SAMD4A: variants seen among roughly 807,000 people sequenced by gnomAD.
SAMD4A encodes protein Smaug homolog 1.
SAMD4A carries 33 observed loss-of-function variants against 81.3 expected under a neutral mutation model. The ratio of observed to expected loss-of-function variants is 0.41; its 90% CI spans 0.31 to 0.54. The LOEUF is 0.54. SAMD4A is among the 20% of genes least tolerant of loss of function. The pLI is 0.37. For synonymous variants in SAMD4A, 389 were observed against 382.1 expected, an observed-to-expected ratio of 1.02 and a Z score of -0.21; for missense variants, 854 against 951.1, an observed-to-expected ratio of 0.90 and a Z score of 1.34.
At chr14:54,600,493 A>G (rs1418668867) in intron 2 of SAMD4A, among the ~76,000 whole-genome samples, 1 of 152,170 alleles carries the variant, frequency 6.6e-6, no homozygotes, top group Non-Finnish European at 1.5e-5. Context: ...AGAATTTGTT[A>G]TTCTACTGGA....
chr14:54,668,340 T>G (rs1313477497), intron 2 of SAMD4A, among the ~76,000 whole-genome samples: 1 of 152,160 alleles, frequency 6.6e-6, no homozygotes, highest in Non-Finnish European at 1.5e-5. Context: ...CGAAGCCATT[T>G]CTCTCCCCTT....
chr14:54,654,337 G>C (rs2035473323), intron 2 of SAMD4A, among the ~76,000 whole-genome samples: 1 of 152,108 alleles, frequency 6.6e-6, no homozygotes, highest in Non-Finnish European at 1.5e-5. Flanking sequence ...GGTCAGATGG[G>C]AGCTTAGCAA....
At chr14:54,635,756 A>G (rs909867619) in intron 2 of SAMD4A, among the ~76,000 whole-genome samples, 1 of 152,122 alleles carries the variant, frequency 6.6e-6, no homozygotes, top group South Asian at 2.1e-4. Flanking sequence ...AAAAAAAAGA[A>G]AAGAAAAAAT....
At chr14:54,767,004 T>C (rs549716187) in intron 8 of SAMD4A, among the ~76,000 whole-genome samples, 1 of 152,172 alleles carries the variant, frequency 6.6e-6, no homozygotes. Context: ...CAGAGGGGCC[T>C]CTCGTGGCTG....
At chr14:54,673,616 G>C (rs1235466188) in intron 2 of SAMD4A, among the ~76,000 whole-genome samples, 2 of 152,196 alleles carry the variant, frequency 1.3e-5, no homozygotes, top group Non-Finnish European at 2.9e-5. Flanking sequence ...GGGATGCCCA[G>C]GCATCACTGG....
chr14:54,571,009 T>C (rs2033112612), intron 2 of SAMD4A, among the ~76,000 whole-genome samples: 1 of 142,764 alleles, frequency 7.0e-6, no homozygotes, highest in Non-Finnish European at 1.5e-5. Context: ...CAAATTCATA[T>C]ATGGGACTCG....
chr14:54,750,379 A>G (rs1468597122), intron 5 of SAMD4A, among the ~76,000 whole-genome samples: 2 of 152,206 alleles, frequency 1.3e-5, no homozygotes, highest in Non-Finnish European at 2.9e-5. Flanking sequence ...GAAGAATTCT[A>G]TGGAATAGTT....
At chr14:54,773,855 G>A (rs907168851) in intron 9 of SAMD4A, among the ~76,000 whole-genome samples, 4 of 152,234 alleles carry the variant, frequency 2.6e-5, no homozygotes, top group Non-Finnish European at 5.9e-5. Flanking sequence ...CATTCACTGT[G>A]CAGAAACTGA....
chr14:54,570,742 C>G (rs1358531215), intron 2 of SAMD4A, among the ~76,000 whole-genome samples: 1 of 152,194 alleles, frequency 6.6e-6, no homozygotes, highest in Non-Finnish European at 1.5e-5. Flanking sequence ...TTTAGATACA[C>G]TCTTTAAGAA....
intron 10 of SAMD4A, 54 bp downstream of exon 10, chr14:54,775,189 G>A (rs970037442): frequency 1.9e-6 from 3 of 1,605,188 alleles, no homozygotes; most frequent in Admixed American, 1.7e-5. Context: ...GCCCAAGGCT[G>A]CAGATGTCCC....
intron 2 of SAMD4A, among the ~76,000 whole-genome samples, chr14:54,605,912 C>T (rs2140242982): frequency 6.6e-6 from 1 of 152,174 alleles, no homozygotes; most frequent in African/African-American, 2.4e-5. Flanking sequence ...ATATTTACAA[C>T]ATGCTTGCTA....
intron 2 of SAMD4A, chr14:54,688,120 G>A (rs1322689023): frequency 2.4e-5 from 24 of 985,372 alleles, no homozygotes; most frequent in Non-Finnish European, 2.8e-5. Context: ...CAACTGTAAT[G>A]TGCTCAGCTC....
intron 2 of SAMD4A, among the ~76,000 whole-genome samples, chr14:54,576,880 G>A (rs1219634379): frequency 6.6e-6 from 1 of 152,238 alleles, no homozygotes; most frequent in Non-Finnish European, 1.5e-5. Context: ...GTACATTGAA[G>A]CTCACATGTT....
In SAMD4A at chr14:54,775,030, G is replaced by A; in HGVS notation, c.1812G>A (p.Arg604=). ...RNPRQYQIPS[R]NVPSARLGLL... ...CGCGCCAGTACCAGATCCCCTCTCG[G>A]AACGTCCCTTCCGCCCGCCTGGGCC... The change falls in exon 10 of 13, where the codon CGG becomes CGA. Residue 604 remains arginine, a synonymous_variant. Coordinates refer to ENST00000554335, the MANE Select transcript of SAMD4A (RefSeq NM_015589.6). 1.2e-6 allele frequency: 2 copies of A among 1,614,200 alleles called. No homozygotes were observed. The highest frequency in any genetic ancestry group is 1.7e-6 in the Non-Finnish European group (2 of 1,180,036).
chr14:54,713,342 AC>A (rs1158852967), intron 3 of SAMD4A, among the ~76,000 whole-genome samples: 1 of 151,984 alleles, frequency 6.6e-6, no homozygotes, highest in South Asian at 2.1e-4. Context: ...TCCCATCCCC[AC>A]CCCAGCTCTC....
intron 12 of SAMD4A, among the ~76,000 whole-genome samples, 183 bp downstream of exon 12, chr14:54,784,803 A>C (rs187986676): frequency 6.4e-4 from 98 of 152,248 alleles, no homozygotes; most frequent in African/African-American, 2.3e-3. Context: ...CAGCGGCACC[A>C]TGCCAAGTGG....
chr14:54,681,850 A>G (rs2036136271), intron 2 of SAMD4A: 1 of 985,310 alleles, frequency 1.0e-6, no homozygotes, highest in Non-Finnish European at 1.2e-6. Flanking sequence ...AACTCTCCCA[A>G]AAGATAAGCG....
chr14:54,740,861 A>G (rs999356534), intron 4 of SAMD4A, among the ~76,000 whole-genome samples: 8 of 152,220 alleles, frequency 5.3e-5, no homozygotes, highest in African/African-American at 1.2e-4. Context: ...GTCCATCCTT[A>G]TGGTTTAAGT....
intron 12 of SAMD4A, among the ~76,000 whole-genome samples, chr14:54,788,304 G>A (rs1389765499): frequency 6.6e-6 from 1 of 152,154 alleles, no homozygotes; most frequent in Non-Finnish European, 1.5e-5. Flanking sequence ...CAAAGAAAGG[G>A]ATGTGAGCTA....
Sources: gnomAD v4.1 joint callset for allele counts (sites outside exome capture counted in the v4.1 genomes callset) on GRCh38, gnomAD v4.1.1 for gene constraint, MANE v1.5 for transcripts, NCBI Gene and HGNC (gene_info 2026-07-23, HGNC 2026-07-21) for gene names.